The following DLC1 variants were observed in gnomAD, a reference collection of about 807,000 sequenced individuals.
The protein encoded by DLC1 is rho GTPase-activating protein 7.
In DLC1, 54 loss-of-function variants were observed where a neutral mutation model predicts 140.3. The observed-to-expected ratio is 0.38, with a 90% confidence interval of 0.31 to 0.48. DLC1 has a LOEUF of 0.48. DLC1 is among the 20% of genes least tolerant of loss of function. The pLI is 0.96. For missense variants in DLC1, 2,536 were observed against 1,907.0 expected (o/e 1.33, Z -6.14); for synonymous variants, 986 against 728.1 (o/e 1.35, Z -5.70).
chr8:13,177,529 G>T (rs117232466), intron 5 of DLC1, among the ~76,000 whole-genome samples: 2,282 of 152,212 alleles, frequency 0.015, 34 homozygotes, highest in South Asian at 0.045. Flanking sequence ...ACATTCCTGC[G>T]TAAGAGATGT....
rs953675312 is a variant in DLC1, at chr8:13,091,420, T to C, written c.3753A>G (p.Arg1251=). 1.2e-6 allele frequency: 2 copies of C among 1,614,020 alleles called. No individual in the cohort carries two copies. The highest frequency in any genetic ancestry group is 8.5e-7 in the Non-Finnish European group (1 of 1,179,978). ...GATCTGGTTTGCCCAAACTTTGTTTTCTTTGCATTACCCTAGGTAGAAGAA... is the reference window on the plus strand; with the variant it reads ...GATCTGGTTTGCCCAAACTTTGTTTCCTTTGCATTACCCTAGGTAGAAGAA... ...RENSSPRVMQ[R]KQSLGKPDQK... is the part of the protein sequence containing the mutation. Residue 1251 remains arginine, a synonymous_variant, in exon 14 of 18, where the codon AGA becomes AGG. Transcript: ENST00000276297.
At chr8:13,128,706 CCTA>C (rs1402777367) in intron 5 of DLC1, among the ~76,000 whole-genome samples, 31 of 152,138 alleles carry the variant, frequency 2.0e-4, no homozygotes, top group Admixed American at 1.4e-3. Flanking sequence ...TGTGGCGGCG[CCTA>C]CTGTAGTCCC....
intron 5 of DLC1, among the ~76,000 whole-genome samples, chr8:13,150,781 G>T (rs530358723): frequency 6.6e-6 from 1 of 152,132 alleles, no homozygotes; most frequent in Non-Finnish European, 1.5e-5. Context: ...CTCACTGAGG[G>T]GTCTGATTTC....
intron 1 of DLC1, among the ~76,000 whole-genome samples, chr8:13,603,925 G>C (rs1410776431): frequency 6.6e-6 from 1 of 152,064 alleles, no homozygotes; most frequent in Admixed American, 6.6e-5. Context: ...GACTGCGTGA[G>C]TCTGTTTGGT....
chr8:13,428,322 G>A (rs1353516120), intron 2 of DLC1, among the ~76,000 whole-genome samples: 1 of 152,184 alleles, frequency 6.6e-6, no homozygotes, highest in Non-Finnish European at 1.5e-5. Context: ...TTGTGAGGAT[G>A]TTAGTAGAGG....
At chr8:13,301,328 C>G (rs538208379) in intron 5 of DLC1, among the ~76,000 whole-genome samples, 2 of 152,068 alleles carry the variant, frequency 1.3e-5, no homozygotes, top group South Asian at 4.2e-4. Context: ...AGAAAGTGAT[C>G]TTTCTTCTTC....
intron 4 of DLC1, among the ~76,000 whole-genome samples, chr8:13,381,497 C>G (rs1442209403): frequency 1.3e-5 from 2 of 152,196 alleles, no homozygotes; most frequent in African/African-American, 2.4e-5. Context: ...CAAGAGACAT[C>G]TTGGTGTGTG....
intron 1 of DLC1, among the ~76,000 whole-genome samples, chr8:13,533,949 T>G (rs2117312940): frequency 6.6e-6 from 1 of 152,318 alleles, no homozygotes; most frequent in South Asian, 2.1e-4. Context: ...CCCAGCCATG[T>G]GGAACTGGCA....
intron 2 of DLC1, among the ~76,000 whole-genome samples, chr8:13,476,950 G>C (rs1465488656): frequency 6.6e-6 from 1 of 152,066 alleles, no homozygotes; most frequent in Non-Finnish European, 1.5e-5. Flanking sequence ...CTCTTTTTCT[G>C]GGTACATAGC....
rs901726658 is a variant in DLC1 at position 13,111,528 on chromosome 8, G to C, written c.1421-705C>G. 7.2e-5 allele frequency among the ~76,000 whole-genome samples: 11 copies of C among 152,178 alleles called. 1 individual carries two copies. The highest frequency in any genetic ancestry group is 6.5e-4 in the Admixed American group (10 of 15,274). Reference sequence around the variant, plus strand: ...GAAGCTGTATCAGAACTGAAAACCAGAGAGGGGGAAAACAGTCGACTCAAT... The same window carrying C: ...GAAGCTGTATCAGAACTGAAAACCACAGAGGGGGAAAACAGTCGACTCAAT... On this transcript the variant is annotated intron_variant, in intron 6 of 17. Coordinates refer to ENST00000276297, the MANE Select transcript of DLC1 (RefSeq NM_182643.3).
intron 4 of DLC1, among the ~76,000 whole-genome samples, chr8:13,376,555 A>AT (rs752407249): frequency 1.5e-4 from 23 of 152,142 alleles, no homozygotes; most frequent in Non-Finnish European, 3.1e-4. Flanking sequence ...AGAACGTGTG[A>AT]TTTTGTTGAA....
chr8:13,584,893 G>T (rs980875574), intron 1 of DLC1, among the ~76,000 whole-genome samples: 1 of 152,038 alleles, frequency 6.6e-6, no homozygotes, highest in African/African-American at 2.4e-5. Context: ...TTTCCCCACT[G>T]TCTATTATTT....
intron 1 of DLC1, among the ~76,000 whole-genome samples, chr8:13,572,955 G>A (rs1804714396): frequency 6.6e-6 from 1 of 152,006 alleles, no homozygotes; most frequent in African/African-American, 2.4e-5. Context: ...GGCTATTCAT[G>A]GTTCCTTGGG....
intron 7 of DLC1, among the ~76,000 whole-genome samples, chr8:13,107,773 T>G (rs1819692716): frequency 6.6e-6 from 1 of 152,184 alleles, no homozygotes; most frequent in African/African-American, 2.4e-5. Flanking sequence ...AGTTGCTGGC[T>G]GGTCGCGGTG....
rs373613362 is a variant in DLC1 at position 13,214,147 on chromosome 8, C to G, written c.1348+91122G>C. On this transcript the variant is annotated intron_variant, in intron 5 of 17. Transcript: ENST00000276297. ...ACAATATCCCAGGGCTTCTCTTTCT[C>G]TTCTAAGTGAAGATTTCAAGTGTGG... 5 of 154,850 alleles carry G rather than the reference C, an allele frequency of 3.2e-5. No homozygotes were observed. The East Asian group carries it at 9.6e-4, about 30-fold the overall frequency. 9.6% of individuals were successfully genotyped at this position (154,850 alleles called of 1,614,324 possible). A position where few individuals can be genotyped will look rare whatever the true frequency, so the allele number is the denominator to read the frequency against.
At chr8:13,323,497 C>G (rs1053182244) in intron 4 of DLC1, among the ~76,000 whole-genome samples, 1 of 152,140 alleles carries the variant, frequency 6.6e-6, no homozygotes, top group Non-Finnish European at 1.5e-5. Flanking sequence ...TATTTTCTTG[C>G]ATCATTCTTT....
intron 5 of DLC1, among the ~76,000 whole-genome samples, chr8:13,274,188 T>G (rs1831068968): frequency 6.6e-6 from 1 of 152,110 alleles, no homozygotes; most frequent in East Asian, 1.9e-4. Context: ...AGGAGAAGCT[T>G]GAGGGAAAGG....
intron 4 of DLC1, chr8:13,338,485 T>G (rs2116972335): frequency 6.6e-6 from 1 of 152,312 alleles, no homozygotes; most frequent in East Asian, 1.9e-4. Context: ...CTCTCCTTAC[T>G]GTAGTGGAAC....
intron 1 of DLC1, among the ~76,000 whole-genome samples, chr8:13,564,922 T>G (rs931638629): frequency 3.9e-5 from 6 of 152,170 alleles, no homozygotes; most frequent in African/African-American, 1.4e-4. Context: ...ACAAGCAGCC[T>G]TCAGCCACAG....
Sources: gnomAD v4.1 joint callset for allele counts (sites outside exome capture counted in the v4.1 genomes callset) on GRCh38, gnomAD v4.1.1 for gene constraint, MANE v1.5 for transcripts, NCBI Gene and HGNC (gene_info 2026-07-23, HGNC 2026-07-21) for gene names.